ACTR3C: variants seen among roughly 807,000 people sequenced by gnomAD.
ACTR3C encodes the protein actin-related protein 3C.
ACTR3C carries 18 observed loss-of-function variants against 26.3 expected under a neutral mutation model. The observed-to-expected ratio is 0.68, with a 90% CI of 0.47 to 1.01. The LOEUF (loss-of-function observed/expected upper bound fraction) is 1.01. Among genes scored for constraint, ACTR3C ranks in the 50% least tolerant of loss-of-function variants. The pLI, the probability that ACTR3C is intolerant of heterozygous loss-of-function variation, is 0.00. For synonymous variants in ACTR3C, 55 were observed against 94.5 expected (o/e 0.58, Z 2.42); for missense variants, 184 against 250.7 (o/e 0.73, Z 1.80).
At chr7:150,120,414 C>T in the ACTR3C span, among the ~76,000 whole-genome samples, 1 of 152,040 alleles carries the variant, frequency 6.6e-6, no homozygotes, top group Non-Finnish European at 1.5e-5. Flanking sequence ...CAACACTGAT[C>T]CCACACAAAA....
chr7:150,207,955 A>T, the ACTR3C span, among the ~76,000 whole-genome samples: 1 of 152,126 alleles, frequency 6.6e-6, no homozygotes, highest in African/African-American at 2.4e-5. Context: ...ATTTTCCCAG[A>T]GATTTTCACT....
the ACTR3C span, among the ~76,000 whole-genome samples, chr7:150,091,747 CCGAGGCGGGCGGATCA>C: frequency 1.4e-5 from 2 of 147,324 alleles, no homozygotes; most frequent in African/African-American, 4.9e-5. Flanking sequence ...CTTTGGGAGG[CCGAGGCGGGCGGATCA>C]CGAGGTCAGG....
chr7:150,197,050 T>C, the ACTR3C span, among the ~76,000 whole-genome samples: 1 of 152,180 alleles, frequency 6.6e-6, no homozygotes, highest in Admixed American at 6.5e-5. Flanking sequence ...CAGCTTTTGT[T>C]GTCTTTCCCA....
chr7:150,147,239 A>G, the ACTR3C span, among the ~76,000 whole-genome samples: 1 of 152,324 alleles, frequency 6.6e-6, no homozygotes, highest in Non-Finnish European at 1.5e-5. Flanking sequence ...AGAAGATGTA[A>G]TTTTATATTA....
chr7:149,914,198 A>G, the ACTR3C span, among the ~76,000 whole-genome samples: 18 of 151,904 alleles, frequency 1.2e-4, no homozygotes, highest in African/African-American at 4.3e-4. Flanking sequence ...TACCAAATGC[A>G]GCAATTTTGT....
chr7:149,962,814 C>T, the ACTR3C span, among the ~76,000 whole-genome samples: 1 of 152,148 alleles, frequency 6.6e-6, no homozygotes, highest in South Asian at 2.1e-4. Flanking sequence ...CCTCGGCATT[C>T]CCCTGGGTGC....
chr7:149,903,476 C>T, the ACTR3C span, among the ~76,000 whole-genome samples: 14 of 149,734 alleles, frequency 9.3e-5, no homozygotes, highest in South Asian at 6.5e-4. Context: ...AATATTTTGA[C>T]GACAGCAACG....
chr7:150,009,387 T>G, the ACTR3C span, among the ~76,000 whole-genome samples: 3 of 152,248 alleles, frequency 2.0e-5, no homozygotes, highest in African/African-American at 7.2e-5. Flanking sequence ...GAACACCCGA[T>G]GAAATTTCCA....
chr7:150,210,319 T>C, the ACTR3C span, among the ~76,000 whole-genome samples: 1 of 150,234 alleles, frequency 6.7e-6, no homozygotes. Flanking sequence ...AACAGTTTCT[T>C]TAAAAGTTGA....
chr7:150,117,290 C>CCCATCTCCAT, the ACTR3C span, among the ~76,000 whole-genome samples: 1 of 152,148 alleles, frequency 6.6e-6, no homozygotes, highest in Non-Finnish European at 1.5e-5. Flanking sequence ...TCTTGCTCAG[C>CCCATCTCCAT]GGAGCCCATC....
chr7:150,304,873 G>A (rs1795686537), intron 1 of ACTR3C, among the ~76,000 whole-genome samples: 1 of 151,806 alleles, frequency 6.6e-6, no homozygotes, highest in African/African-American at 2.4e-5. Flanking sequence ...AGAACAATGA[G>A]GCCAAATATG....
chr7:149,886,784 T>C, the ACTR3C span, among the ~76,000 whole-genome samples: 4 of 152,014 alleles, frequency 2.6e-5, no homozygotes, highest in South Asian at 6.2e-4. Context: ...AGTGAAACCC[T>C]GTCTCCACTA....
At chr7:149,915,943 C>A in the ACTR3C span, among the ~76,000 whole-genome samples, 6 of 150,760 alleles carry the variant, frequency 4.0e-5, no homozygotes, top group Non-Finnish European at 8.8e-5. Context: ...ATACAACCAT[C>A]AAAAATGAAG....
At chr7:150,259,526 A>G (rs1475771189) in intron 6 of ACTR3C, among the ~76,000 whole-genome samples, 1 of 152,240 alleles carries the variant, frequency 6.6e-6, no homozygotes, top group Non-Finnish European at 1.5e-5. Flanking sequence ...ACTGTCAACC[A>G]TGGCTGCATG....
At chr7:150,038,044 G>T in the ACTR3C span, among the ~76,000 whole-genome samples, 2 of 141,036 alleles carry the variant, frequency 1.4e-5, no homozygotes, top group African/African-American at 2.7e-5. Flanking sequence ...AGCCATGGGG[G>T]GAAGAGGGGT....
At chr7:150,216,540 C>A in the ACTR3C span, among the ~76,000 whole-genome samples, 1 of 152,230 alleles carries the variant, frequency 6.6e-6, no homozygotes. Flanking sequence ...AGGCACACAC[C>A]ACCATGCCAT....
chr7:150,056,019 A>AT, the ACTR3C span, among the ~76,000 whole-genome samples: 4 of 152,194 alleles, frequency 2.6e-5, no homozygotes, highest in African/African-American at 9.7e-5. Context: ...AATCCATTTA[A>AT]TTTTATTTTT....
In ACTR3C at chr7:150,286,366, C is replaced by T. The variant is rs981363997; in HGVS notation, c.471+1G>A. On this transcript the variant is annotated splice_donor_variant, in intron 5 of 7. Coordinates refer to ENST00000683684, the MANE Select transcript of ACTR3C (RefSeq NM_001164458.2). LOFTEE classifies it high-confidence loss of function. The stretch of plus-strand genomic sequence containing the variant: ...AGCACACAAAAAAAGAAACACCTTA[C>T]CTCCGGGTGAAAGAATATTTCAGGT... The T allele has an allele frequency of 1.9e-5, 30 of 1,613,834 alleles. No individual in the cohort carries two copies. Among genetic ancestry groups the T allele is most frequent in the Middle Eastern group, 1.6e-4 (1 of 6,082 alleles).
the ACTR3C span, among the ~76,000 whole-genome samples, chr7:150,098,414 T>TA: frequency 1.3e-5 from 2 of 151,810 alleles, no homozygotes; most frequent in African/African-American, 4.9e-5. Context: ...GTAAGAGGCC[T>TA]AAAAAAGCAG....
Sources: allele counts gnomAD v4.1 joint callset (sites outside exome capture counted in the v4.1 genomes callset), GRCh38; gene constraint gnomAD v4.1.1; transcripts MANE v1.5; gene names NCBI Gene and HGNC (gene_info 2026-07-23, HGNC 2026-07-21).